The following NACC2 variants were observed in gnomAD, a reference collection of about 807,000 sequenced individuals.
NACC2 encodes the protein nucleus accumbens-associated protein 2.
NACC2 carries 8 observed loss-of-function variants against 25.1 expected under a neutral mutation model. The observed-to-expected ratio is 0.32, with a 90% CI of 0.19 to 0.57. NACC2 has a LOEUF of 0.57. Ranked by LOEUF, NACC2 falls within the 20% of genes least tolerant of loss-of-function variation. NACC2 has a pLI of 0.89. For missense variants in NACC2, 644 were observed against 650.2 expected (o/e 0.99, Z 0.10); for synonymous variants, 435 against 294.7 (o/e 1.48, Z -4.88).
At chr9:136,037,419 G>C (rs1026015907) in intron 2 of NACC2, among the ~76,000 whole-genome samples, 12 of 151,420 alleles carry the variant, frequency 7.9e-5, no homozygotes, top group African/African-American at 2.7e-4. Context: ...CCATACCACA[G>C]TTTGCATATT....
chr9:136,021,763 G>A (rs138500528), intron 2 of NACC2, among the ~76,000 whole-genome samples: 8 of 152,312 alleles, frequency 5.3e-5, no homozygotes, highest in Non-Finnish European at 8.8e-5. Context: ...ACGTGTTACC[G>A]CTTGGCTGTG....
chr9:136,029,785 T>C (rs1840446689), intron 2 of NACC2, among the ~76,000 whole-genome samples: 1 of 152,196 alleles, frequency 6.6e-6, no homozygotes, highest in South Asian at 2.1e-4. Flanking sequence ...CTGCAGCCAG[T>C]GTGCCTGGCT....
intron 1 of NACC2, among the ~76,000 whole-genome samples, chr9:136,051,883 A>AGGAGGAGGAGGAGGG: frequency 9.0e-6 from 1 of 111,486 alleles, no homozygotes; most frequent in Admixed American, 9.4e-5. Flanking sequence ...GGCAAGGAGG[A>AGGAGGAGGAGGAGGG]GGAGGAGGAG....
Position 136,050,052 on chromosome 9 carries a change from G to A in NACC2, c.470C>T (p.Ala157Val), listed in dbSNP as rs1370528165. 1.9e-5 allele frequency: 14 copies of A among 721,904 alleles called. No individual in the cohort carries two copies. Among genetic ancestry groups the A allele is most frequent in the Non-Finnish European group, 3.3e-5 (13 of 395,876 alleles). The allele number at this position is 721,904 out of a possible 1,614,324, so 44.7% of individuals were successfully genotyped here. ...CACCGAGGGGGACACGACGTAGGGG[G>A]CCGCGGCGGCGGCGGCCGGCTGCAG... is the stretch of plus-strand genomic sequence containing the variant. Reference protein sequence around the residue: ...NQLQPAAAAAAPYVVSPSVPI... With the variant: ...NQLQPAAAAAVPYVVSPSVPI... Residue 157 changes from alanine (A) to valine (V), a missense_variant, in exon 2 of 6, where the codon GCC becomes GTC. Coordinates refer to ENST00000277554, the MANE Select transcript of NACC2 (RefSeq NM_144653.5).
At chr9:136,052,350 T>C (rs1458766158) in intron 1 of NACC2, among the ~76,000 whole-genome samples, 1 of 151,596 alleles carries the variant, frequency 6.6e-6, no homozygotes, top group African/African-American at 2.4e-5. Context: ...ACAGCCCCAG[T>C]GTCAAAGCAT....
chr9:136,048,706 C>T (rs997959585), intron 2 of NACC2, among the ~76,000 whole-genome samples: 3 of 152,234 alleles, frequency 2.0e-5, no homozygotes, highest in East Asian at 1.9e-4. Flanking sequence ...TGGTGACAGA[C>T]GCTGCACAGG....
At chr9:136,024,901 C>T (rs1417525167) in intron 2 of NACC2, among the ~76,000 whole-genome samples, 1 of 152,182 alleles carries the variant, frequency 6.6e-6, no homozygotes, top group Admixed American at 6.5e-5. Context: ...CTGACAGAGC[C>T]GGGAGCCTCG....
At chr9:136,063,528 C>A (rs1187309295) in intron 1 of NACC2, among the ~76,000 whole-genome samples, 3 of 152,222 alleles carry the variant, frequency 2.0e-5, no homozygotes, top group Non-Finnish European at 4.4e-5. Flanking sequence ...ACGAGCCTTT[C>A]CCTCCCATAA....
intron 1 of NACC2, among the ~76,000 whole-genome samples, chr9:136,061,798 A>G (rs1351070910): frequency 6.6e-6 from 1 of 152,066 alleles, no homozygotes; most frequent in Admixed American, 6.5e-5. Flanking sequence ...GCCCAGGTAC[A>G]ATGGCCCAGG....
intron 2 of NACC2, among the ~76,000 whole-genome samples, chr9:136,028,060 G>C (rs896921128): frequency 3.3e-5 from 5 of 152,050 alleles, no homozygotes; most frequent in Admixed American, 6.5e-5. Flanking sequence ...AGAAGTTCGA[G>C]ACCAGCCTGG....
chr9:136,074,559 G>T (rs928277089), intron 1 of NACC2, among the ~76,000 whole-genome samples: 2 of 150,970 alleles, frequency 1.3e-5, no homozygotes, highest in Admixed American at 6.6e-5. Context: ...TTAAAATTAT[G>T]TATCATCCCT....
chr9:136,093,057 G>A (rs1254056999), intron 1 of NACC2, among the ~76,000 whole-genome samples: 1 of 152,200 alleles, frequency 6.6e-6, no homozygotes, highest in South Asian at 2.1e-4. Flanking sequence ...TGCGTTCCAG[G>A]GACACAGGTC....
chr9:136,046,558 C>T (rs1013254907), intron 2 of NACC2, among the ~76,000 whole-genome samples: 4 of 152,350 alleles, frequency 2.6e-5, no homozygotes, highest in Admixed American at 2.6e-4. Flanking sequence ...GAGCCAGCGT[C>T]CACCTGATGG....
At chr9:136,042,121 T>C (rs928564180) in intron 2 of NACC2, among the ~76,000 whole-genome samples, 5 of 152,134 alleles carry the variant, frequency 3.3e-5, no homozygotes, top group Non-Finnish European at 7.4e-5. Flanking sequence ...CCTCAGCAGC[T>C]AGGACTACAG....
intron 1 of NACC2, among the ~76,000 whole-genome samples, chr9:136,076,961 G>A (rs978028079): frequency 2.0e-5 from 3 of 151,776 alleles, no homozygotes; most frequent in African/African-American, 2.4e-5. Context: ...AGCCGAGATC[G>A]CGCCACTGCA....
Position 136,013,366 on chromosome 9 carries a change from C to T in NACC2, c.1158-70G>A. 7.0e-7 allele frequency: 1 copy of T among 1,438,316 alleles called. No homozygotes were observed. The highest frequency in any genetic ancestry group is 9.6e-7 in the Non-Finnish European group (1 of 1,037,448). 89.1% of individuals were successfully genotyped at this position (1,438,316 alleles called of 1,614,324 possible). The stretch of plus-strand genomic sequence containing the variant: ...AGGGTACCTGGAGGCGACCCGCCCG[C>T]ACGAATGCCCTGCTGGGAGGCCACT... On this transcript the variant is annotated intron_variant, in intron 4 of 5. Transcript: ENST00000277554. The surrounding 1 kb of genome is among the most constrained non-coding windows in gnomAD (Gnocchi z 6.6).
intron 1 of NACC2, among the ~76,000 whole-genome samples, chr9:136,076,071 T>C (rs1401971315): frequency 2.0e-5 from 3 of 151,998 alleles, no homozygotes; most frequent in Non-Finnish European, 2.9e-5. Context: ...ATCGAAAACT[T>C]GGAAATAAAG....
At chr9:136,014,981 G>A (rs1466940179) in intron 3 of NACC2, among the ~76,000 whole-genome samples, 3 of 11,886 alleles carry the variant, frequency 2.5e-4, no homozygotes, top group Non-Finnish European at 6.0e-4. Context: ...GAGATGTCAT[G>A]TCCTGAAGGA....
chr9:136,041,039 A>AAAGG lies in NACC2; in HGVS notation c.886+8593_886+8596dup, dbSNP rs1163209247. Among the ~76,000 whole-genome samples, 400 of 150,292 alleles carry AAAGG rather than the reference A, an allele frequency of 2.7e-3. 2 individuals carry two copies. The highest frequency in any genetic ancestry group is 9.1e-3 in the African/African-American group (371 of 40,900). On this transcript the variant is annotated intron_variant, in intron 2 of 5. Transcript: ENST00000277554. ...GGAAAGGAAAGGAAAGAAGGAAAGA[A>AAAGG]AAGGAAGGAAGGAAGGAAGGAAAGG...
Sources: gnomAD v4.1 joint callset for allele counts (sites outside exome capture counted in the v4.1 genomes callset) on GRCh38, gnomAD v4.1.1 for gene constraint, Gnocchi (gnomAD v3.1) non-coding constraint, MANE v1.5 for transcripts, NCBI Gene and HGNC (gene_info 2026-07-23, HGNC 2026-07-21) for gene names.